SUFU: variants seen among roughly 807,000 people sequenced by gnomAD.
SUFU encodes the protein suppressor of fused homolog.
SUFU carries 7 observed loss-of-function variants against 58.9 expected under a neutral mutation model. The observed-to-expected ratio is 0.12, with a 90% CI of 0.07 to 0.22. The LOEUF (loss-of-function observed/expected upper bound fraction) is 0.22, where lower values mean the gene tolerates loss of function less well. Ranked by LOEUF, SUFU falls within the 10% of genes least tolerant of loss-of-function variation. The probability of loss-of-function intolerance (pLI) is 1.00; values close to 1 mark genes in which losing one functional copy is unlikely to be tolerated. For synonymous variants in SUFU, 232 were observed against 254.8 expected (o/e 0.91, Z 0.85); for missense variants, 451 against 641.3 (o/e 0.70, Z 3.20).
chr10:102,567,843 C>G (rs2063107276), intron 3 of SUFU, among the ~76,000 whole-genome samples: 1 of 152,064 alleles, frequency 6.6e-6, no homozygotes, highest in Non-Finnish European at 1.5e-5. Flanking sequence ...CTGGGAGAGG[C>G]TATAGCCCAA....
chr10:102,593,030 G>A (rs983754258), intron 4 of SUFU, among the ~76,000 whole-genome samples: 1 of 152,158 alleles, frequency 6.6e-6, no homozygotes, highest in African/African-American at 2.4e-5. Flanking sequence ...ACTTTCCAGC[G>A]GGAAGCCAGC....
Position 102,629,105 on chromosome 10 carries a change from G to A in SUFU, c.1366-961G>A, listed in dbSNP as rs755415979. Reference sequence around the variant, plus strand: ...CGGGAAGCAAAAGTTGCAGTGAGCCGAGATCGCGCCATTGCACTCCAGCCT... The same window carrying A: ...CGGGAAGCAAAAGTTGCAGTGAGCCAAGATCGCGCCATTGCACTCCAGCCT... On this transcript the variant is annotated intron_variant, in intron 11 of 11. Coordinates refer to ENST00000369902, the MANE Select transcript of SUFU (RefSeq NM_016169.4). The surrounding 1 kb of genome is among the most constrained non-coding windows in gnomAD (Gnocchi z 4.7). 1.3e-5 allele frequency among the ~76,000 whole-genome samples: 2 copies of A among 152,070 alleles called. No individual in the cohort carries two copies. Among genetic ancestry groups the A allele is most frequent in the Non-Finnish European group, 2.9e-5 (2 of 68,012 alleles).
At chr10:102,612,168 CTTGTGTGT>C (rs1564704955) in intron 8 of SUFU, among the ~76,000 whole-genome samples, 1 of 98,328 alleles carries the variant, frequency 1.0e-5, no homozygotes, top group Non-Finnish European at 2.0e-5. Context: ...AAACTGGGTT[CTTGTGTGT>C]GTGTGTGTGT....
At chr10:102,565,159 C>T (rs916952298) in intron 3 of SUFU, among the ~76,000 whole-genome samples, 11 of 152,302 alleles carry the variant, frequency 7.2e-5, no homozygotes, top group African/African-American at 2.6e-4. Context: ...TCTTTTGTGC[C>T]ACAGCAGTGG....
chr10:102,581,168 A>G (rs2063273281), intron 3 of SUFU, among the ~76,000 whole-genome samples: 1 of 122,434 alleles, frequency 8.2e-6, no homozygotes, highest in Non-Finnish European at 1.6e-5. Flanking sequence ...CGACAGAGAG[A>G]GACTCTGTCT....
intron 8 of SUFU, among the ~76,000 whole-genome samples, chr10:102,613,540 C>G (rs1157276629): frequency 6.6e-6 from 1 of 152,244 alleles, no homozygotes; most frequent in Non-Finnish European, 1.5e-5. Flanking sequence ...CACCTAGCCC[C>G]GCAACGTGTG....
intron 1 of SUFU, among the ~76,000 whole-genome samples, chr10:102,504,778 A>G (rs966673162): frequency 8.7e-5 from 13 of 149,696 alleles, no homozygotes; most frequent in Non-Finnish European, 1.8e-4. Flanking sequence ...CTCAGAGGGC[A>G]CGAGACTGCA....
intron 4 of SUFU, 110 bp downstream of exon 4, chr10:102,592,834 C>T (rs2063418247): frequency 4.7e-6 from 6 of 1,275,850 alleles, no homozygotes; most frequent in South Asian, 1.2e-5. Context: ...CCTTTGGCCT[C>T]GTCCTGATTT....
At chr10:102,616,894 A>G (rs1267664759) in intron 9 of SUFU, among the ~76,000 whole-genome samples, 1 of 152,116 alleles carries the variant, frequency 6.6e-6, no homozygotes, top group African/African-American at 2.4e-5. Context: ...TCTAGACGCT[A>G]CTTCACCTCC....
At chr10:102,541,036 AC>A (rs1288309373) in intron 2 of SUFU, among the ~76,000 whole-genome samples, 1 of 151,844 alleles carries the variant, frequency 6.6e-6, no homozygotes, top group African/African-American at 2.4e-5. Context: ...AAAAAAAGTT[AC>A]TTGGGTTATA....
chr10:102,605,844 G>A (rs1343100609), intron 8 of SUFU, among the ~76,000 whole-genome samples: 1 of 152,204 alleles, frequency 6.6e-6, no homozygotes, highest in East Asian at 1.9e-4. Flanking sequence ...CACTTCACTT[G>A]TGAATAGTTG....
intron 2 of SUFU, among the ~76,000 whole-genome samples, chr10:102,546,202 C>T (rs2062852764): frequency 6.6e-6 from 1 of 152,246 alleles, no homozygotes; most frequent in Non-Finnish European, 1.5e-5. Context: ...TGCCAAACTG[C>T]TGGGACAAAG....
intron 3 of SUFU, among the ~76,000 whole-genome samples, chr10:102,567,329 A>G (rs931291376): frequency 6.6e-6 from 1 of 151,990 alleles, no homozygotes; most frequent in African/African-American, 2.4e-5. Context: ...GTCAAGAAAA[A>G]AAAAGGCCAG....
intron 2 of SUFU, among the ~76,000 whole-genome samples, chr10:102,532,411 C>T (rs1193421811): frequency 2.6e-5 from 4 of 152,228 alleles, no homozygotes; most frequent in Non-Finnish European, 4.4e-5. Context: ...CATTTGTTCT[C>T]TCACATCTCC....
intron 3 of SUFU, among the ~76,000 whole-genome samples, chr10:102,581,407 T>G (rs1441390815): frequency 6.6e-6 from 1 of 152,060 alleles, no homozygotes; most frequent in African/African-American, 2.4e-5. Context: ...CTCCAGATTT[T>G]CTCCTCCTCT....
chr10:102,631,487 T>C lies in SUFU; in HGVS notation c.*1332T>C, dbSNP rs1229243638. Reference sequence around the variant, plus strand: ...CCTGACCTGGAACCAGCAAGCCCCTTTCCTGCCTTCTTACCCCCAACTCTA... The same window carrying C: ...CCTGACCTGGAACCAGCAAGCCCCTCTCCTGCCTTCTTACCCCCAACTCTA... On this transcript the variant is annotated 3_prime_UTR_variant, in exon 12 of 12. Transcript: ENST00000369902. The C allele has an allele frequency of 4.3e-6, 1 of 233,508 alleles. No individual in the cohort carries two copies. Among genetic ancestry groups the C allele is most frequent in the Admixed American group, 5.6e-5 (1 of 17,776 alleles). The allele number at this position is 233,508 out of a possible 1,614,324, so 14.5% of individuals were successfully genotyped here. A position where few individuals can be genotyped will look rare whatever the true frequency, so the allele number is the denominator to read the frequency against.
At chr10:102,519,599 AC>A (rs1331113852) in intron 2 of SUFU, among the ~76,000 whole-genome samples, 1 of 151,858 alleles carries the variant, frequency 6.6e-6, no homozygotes, top group East Asian at 1.9e-4. Context: ...AAAGTCTGCA[AC>A]TTTTAAAAAC....
intron 7 of SUFU, 141 bp from the exon 8 acceptor site, chr10:102,599,292 C>T (rs904862333): frequency 2.7e-6 from 2 of 741,240 alleles, no homozygotes; most frequent in South Asian, 1.4e-5. Flanking sequence ...TCAGCGCTTA[C>T]ATCTGGATGC....
chr10:102,565,444 T>A (rs1322302616), intron 3 of SUFU, among the ~76,000 whole-genome samples: 1 of 152,240 alleles, frequency 6.6e-6, no homozygotes, highest in Non-Finnish European at 1.5e-5. Context: ...TCTCCTGCTG[T>A]GTTGCTGAAG....
Sources: allele counts gnomAD v4.1 joint callset (sites outside exome capture counted in the v4.1 genomes callset), GRCh38; gene constraint gnomAD v4.1.1; non-coding constraint Gnocchi (gnomAD v3.1); transcripts MANE v1.5; gene names NCBI Gene and HGNC (gene_info 2026-07-23, HGNC 2026-07-21).